Variants in PDE4DIP observed in about 807,000 individuals in gnomAD.
PDE4DIP encodes the protein myomegalin.
A neutral mutation model predicts 221.4 loss-of-function variants in PDE4DIP; 59 were observed. The observed-to-expected ratio is 0.27, with a 90% CI of 0.22 to 0.33. The LOEUF is 0.33. Among genes scored for constraint, PDE4DIP ranks in the 10% least tolerant of loss-of-function variants. The pLI is 1.00. For missense variants in PDE4DIP, 1,036 were observed against 2,154.2 expected, an observed-to-expected ratio of 0.48 and a Z score of 10.28; for synonymous variants, 404 against 815.9, an observed-to-expected ratio of 0.50 and a Z score of 8.60.
intron 34 of PDE4DIP, chr1:149,018,206 T>G: frequency 2.6e-6 from 1 of 383,848 alleles, no homozygotes; most frequent in Non-Finnish European, 4.7e-6. Flanking sequence ...CTCGCCTCTT[T>G]ACCAAGGTGG....
At chr1:149,029,214 T>C (rs1553633572) in intron 41 of PDE4DIP, among the ~76,000 whole-genome samples, 1 of 152,138 alleles carries the variant, frequency 6.6e-6, no homozygotes, top group East Asian at 1.9e-4. Context: ...CAGGATCTGC[T>C]CAGAGCTCAG....
intron 1 of PDE4DIP, among the ~76,000 whole-genome samples, chr1:148,820,933 C>G (rs1207371539): frequency 9.5e-4 from 142 of 149,242 alleles, no homozygotes; most frequent in Middle Eastern, 3.4e-3. Context: ...TCACTGCAGG[C>G]TCCGCCCCCT....
intron 4 of PDE4DIP, among the ~76,000 whole-genome samples, chr1:148,933,212 A>G: frequency 6.6e-6 from 1 of 152,042 alleles, no homozygotes. Flanking sequence ...AATAGGTAGA[A>G]AGTGGATAGG....
intron 31 of PDE4DIP, 99 bp from the exon 35 acceptor site, chr1:149,012,492 G>A: frequency 1.6e-6 from 1 of 619,112 alleles, no homozygotes. Flanking sequence ...GGTGATGTCT[G>A]GTCAGGGAAT....
intron 3 of PDE4DIP, among the ~76,000 whole-genome samples, chr1:148,877,011 C>CA (rs1318672732): frequency 1.2e-4 from 17 of 141,612 alleles, no homozygotes; most frequent in Middle Eastern, 3.5e-3. Context: ...GACTCCGTCT[C>CA]AAAAAAAACA....
chr1:148,938,029 G>C, intron 5 of PDE4DIP, 165 bp downstream of exon 8: 2 of 509,494 alleles, frequency 3.9e-6, no homozygotes, highest in Non-Finnish European at 7.1e-6. Flanking sequence ...TGTGAGTCAA[G>C]AGTCCAGATA....
intron 4 of PDE4DIP, among the ~76,000 whole-genome samples, chr1:148,934,893 A>G (rs2048861911): frequency 1.3e-5 from 2 of 152,010 alleles, no homozygotes; most frequent in African/African-American, 2.4e-5. Flanking sequence ...GATTACAGGC[A>G]TGAGCCACCA....
intron 1 of PDE4DIP, among the ~76,000 whole-genome samples, chr1:148,824,329 A>C (rs1470400925): frequency 3.2e-3 from 489 of 150,502 alleles, no homozygotes; most frequent in Non-Finnish European, 4.7e-3. Context: ...TGCTTATAAC[A>C]TGGTAGCTTA....
Position 148,927,220 on chromosome 1 carries a change from G to A in PDE4DIP, c.142-1977G>A, listed in dbSNP as rs587596258. On this transcript the variant is annotated intron_variant, in intron 1 of 43. Transcript: ENST00000369354. The stretch of plus-strand genomic sequence containing the variant: ...CTTTAAAGTATATCCTGAAAAGACA[G>A]GGCTATCATTCCTTCTTTTGAAGAA... 1.6e-3 allele frequency among the ~76,000 whole-genome samples: 249 copies of A among 152,042 alleles called. 2 individuals carry two copies. Among genetic ancestry groups the A allele is most frequent in the African/African-American group, 5.7e-3 (235 of 41,480 alleles).
At chr1:148,986,503 T>C (rs1265175121) in intron 21 of PDE4DIP, 9 of 152,214 alleles carry the variant, frequency 5.9e-5, no homozygotes, top group African/African-American at 2.2e-4. Flanking sequence ...CTTAAGATAT[T>C]TATAAAAAAA....
At chr1:149,028,895 A>G (rs1394025836) in intron 41 of PDE4DIP, among the ~76,000 whole-genome samples, 192 bp downstream of exon 44, 2 of 152,038 alleles carry the variant, frequency 1.3e-5, no homozygotes, top group Non-Finnish European at 2.9e-5. Flanking sequence ...ACAGCTCTGA[A>G]TATATCCCAT....
At chr1:149,019,912 T>C (rs1426500534) in intron 35 of PDE4DIP, among the ~76,000 whole-genome samples, 1 of 151,906 alleles carries the variant, frequency 6.6e-6, no homozygotes, top group African/African-American at 2.4e-5. Context: ...AAGCAGAATT[T>C]CTCTAAGAGC....
intron 9 of PDE4DIP, among the ~76,000 whole-genome samples, chr1:148,963,785 G>A (rs1466818819): frequency 2.2e-5 from 2 of 89,604 alleles, no homozygotes; most frequent in African/African-American, 9.6e-5. Flanking sequence ...ACAGAGTCTC[G>A]CTCTGTCGCC....
chr1:148,925,702 G>C (rs1213320698), intron 1 of PDE4DIP, among the ~76,000 whole-genome samples: 1 of 151,672 alleles, frequency 6.6e-6, no homozygotes, highest in African/African-American at 2.4e-5. Flanking sequence ...GCACAGCTGT[G>C]TGCAAGGCAT....
chr1:148,987,033 CTCTT>C (rs1322518741), intron 21 of PDE4DIP, among the ~76,000 whole-genome samples: 6 of 152,164 alleles, frequency 3.9e-5, no homozygotes, highest in South Asian at 4.1e-4. Flanking sequence ...GAAGTAGAAA[CTCTT>C]TCCAGAATTT....
chr1:148,929,990 A>G (rs2047511450), intron 2 of PDE4DIP: 1 of 151,934 alleles, frequency 6.6e-6, no homozygotes, highest in African/African-American at 2.4e-5. Flanking sequence ...GTAAGGGGGA[A>G]AAGTTGCTGA....
chr1:148,990,266 A>G (rs2062759238), intron 21 of PDE4DIP: 1 of 983,362 alleles, frequency 1.0e-6, no homozygotes, highest in African/African-American at 1.7e-5. Context: ...AGCTGCCATA[A>G]TGGAAGAAGA....
chr1:148,954,108 T>C (rs1228217539), intron 5 of PDE4DIP, among the ~76,000 whole-genome samples: 2 of 152,226 alleles, frequency 1.3e-5, no homozygotes, highest in Non-Finnish European at 2.9e-5. Flanking sequence ...ATCCTTTTTG[T>C]AAAATCTGTT....
intron 22 of PDE4DIP, chr1:148,992,189 A>G (rs879967594): frequency 2.1e-4 from 156 of 727,724 alleles, no homozygotes; most frequent in Non-Finnish European, 2.8e-4. Flanking sequence ...TTTGGTTTGT[A>G]TTGTATCTCT....
Sources: gnomAD v4.1 joint callset for allele counts (sites outside exome capture counted in the v4.1 genomes callset) on GRCh38, gnomAD v4.1.1 for gene constraint, MANE v1.5 for transcripts, NCBI Gene and HGNC (gene_info 2026-07-23, HGNC 2026-07-21) for gene names.